The following MNAT1 variants were observed in gnomAD, a reference collection of about 807,000 sequenced individuals.
MNAT1 encodes MNAT1 component of CDK activating kinase.
In MNAT1, 43 loss-of-function variants were observed where a neutral mutation model predicts 42.0. The observed-to-expected ratio is 1.02, with a 90% confidence interval of 0.80 to 1.32. The LOEUF (loss-of-function observed/expected upper bound fraction) is 1.32, where lower values mean the gene tolerates loss of function less well. Ranked by LOEUF, MNAT1 falls within the 40% of genes most tolerant of loss-of-function variation. MNAT1 has a pLI of 0.00. For synonymous variants in MNAT1, 118 were observed against 120.0 expected (o/e 0.98, Z 0.11); for missense variants, 306 against 350.4 (o/e 0.87, Z 1.01).
At chr14:60,853,897 A>T (rs1052488313) in intron 6 of MNAT1, among the ~76,000 whole-genome samples, 1 of 152,296 alleles carries the variant, frequency 6.6e-6, no homozygotes, top group African/African-American at 2.4e-5. Flanking sequence ...GGATGAAGCC[A>T]ACTTGATCAT....
chr14:60,744,739 G>C (rs1271365682), intron 1 of MNAT1, among the ~76,000 whole-genome samples: 2 of 152,074 alleles, frequency 1.3e-5, no homozygotes, highest in East Asian at 1.9e-4. Flanking sequence ...ACTTGTTGGG[G>C]CTTGATTTTA....
chr14:60,773,721 T>C (rs564039325), intron 1 of MNAT1, among the ~76,000 whole-genome samples: 1 of 152,252 alleles, frequency 6.6e-6, no homozygotes, highest in African/African-American at 2.4e-5. Context: ...TTGTCTCTTA[T>C]GTTTGAAGCA....
At chr14:60,954,373 C>A (rs1361325924) in intron 7 of MNAT1, among the ~76,000 whole-genome samples, 1 of 152,050 alleles carries the variant, frequency 6.6e-6, no homozygotes, top group Non-Finnish European at 1.5e-5. Flanking sequence ...AATATTTTTT[C>A]ATTTACTTTT....
At chr14:60,761,242 C>A (rs1259983560) in intron 1 of MNAT1, among the ~76,000 whole-genome samples, 2 of 152,090 alleles carry the variant, frequency 1.3e-5, no homozygotes, top group African/African-American at 4.8e-5. Context: ...GAAGGTTATC[C>A]ACATACCAGA....
chr14:60,943,316 C>A (rs1270385991), intron 7 of MNAT1, among the ~76,000 whole-genome samples: 3 of 152,090 alleles, frequency 2.0e-5, no homozygotes, highest in Admixed American at 2.0e-4. Flanking sequence ...CTAATATGAA[C>A]ACTCATAAAA....
At chr14:60,928,012 T>C (rs557493403) in intron 7 of MNAT1, among the ~76,000 whole-genome samples, 2 of 152,248 alleles carry the variant, frequency 1.3e-5, no homozygotes. Context: ...AGATCCATCA[T>C]GTTAGTTTAT....
chr14:60,946,180 C>G lies in MNAT1; in HGVS notation c.810-22049C>G, dbSNP rs577664159. On this transcript the variant is annotated intron_variant, in intron 7 of 7. Transcript: ENST00000261245. ...TCTCTGTGTTGAAATATTTCCTTTA[C>G]AACATGAACATACTCAAATTTCCAT... Among the ~76,000 whole-genome samples, 361 of 152,278 alleles carry G rather than the reference C, an allele frequency of 2.4e-3. 2 individuals are homozygous for G. The Middle Eastern group carries it at 0.024, about 10-fold the overall frequency.
intron 7 of MNAT1, among the ~76,000 whole-genome samples, chr14:60,951,744 A>T (rs749657086): frequency 1.3e-5 from 2 of 151,804 alleles, no homozygotes; most frequent in Non-Finnish European, 1.5e-5. Context: ...TGACTCTTTT[A>T]TAAGTGAGGT....
chr14:60,837,972 T>C (rs2033439073), intron 6 of MNAT1, among the ~76,000 whole-genome samples: 1 of 152,184 alleles, frequency 6.6e-6, no homozygotes, highest in African/African-American at 2.4e-5. Context: ...CCTTTGTAAG[T>C]TGGGAAATTC....
chr14:60,875,891 C>T (rs2139457336), intron 6 of MNAT1, among the ~76,000 whole-genome samples: 1 of 152,108 alleles, frequency 6.6e-6, no homozygotes, highest in South Asian at 2.1e-4. Flanking sequence ...CTGTGTGAGC[C>T]TTTCTGGACC....
At chr14:60,943,035 TGTGTGTGTGTGTGTGCGC>T (rs1566571947) in intron 7 of MNAT1, among the ~76,000 whole-genome samples, 3 of 125,532 alleles carry the variant, frequency 2.4e-5, no homozygotes, top group Admixed American at 8.5e-5. Context: ...TGTGTGTGTG[TGTGTGTGTGTGTGTGCGC>T]TTTTTTTTTT....
At chr14:60,869,192 G>C (rs1332920993) in intron 6 of MNAT1, among the ~76,000 whole-genome samples, 1 of 149,140 alleles carries the variant, frequency 6.7e-6, no homozygotes, top group Non-Finnish European at 1.5e-5. Flanking sequence ...GCCATGCCCA[G>C]CTAATTTTTT....
intron 7 of MNAT1, among the ~76,000 whole-genome samples, chr14:60,958,271 G>C (rs1328564098): frequency 2.0e-5 from 3 of 152,134 alleles, no homozygotes; most frequent in Admixed American, 6.5e-5. Flanking sequence ...GTCCCTCATT[G>C]GTGAAGGATA....
intron 7 of MNAT1, among the ~76,000 whole-genome samples, chr14:60,915,737 G>A (rs1341400176): frequency 6.6e-6 from 1 of 152,114 alleles, no homozygotes; most frequent in East Asian, 1.9e-4. Flanking sequence ...AGATTTTTTG[G>A]AATTGGTACT....
At chr14:60,911,982 T>G (rs956133401) in intron 7 of MNAT1, among the ~76,000 whole-genome samples, 7 of 152,278 alleles carry the variant, frequency 4.6e-5, no homozygotes, top group East Asian at 1.9e-4. Context: ...CTCTAAGGAC[T>G]TGCTTTATGA....
intron 1 of MNAT1, among the ~76,000 whole-genome samples, chr14:60,772,759 G>C (rs984195962): frequency 1.3e-5 from 2 of 152,008 alleles, no homozygotes; most frequent in Non-Finnish European, 2.9e-5. Context: ...AAGCTAGTCT[G>C]AGATTTCTTG....
rs903289890 is a variant in MNAT1 at position 60,796,130 on chromosome 14, C to T, written c.90-87C>T. 1.0e-5 allele frequency: 12 copies of T among 1,190,570 alleles called. No homozygotes were observed. In the Admixed American group the frequency reaches 2.7e-4, roughly 27 times the overall value. 73.8% of individuals were successfully genotyped at this position (1,190,570 alleles called of 1,614,324 possible). Reference sequence around the variant, plus strand: ...AAGTGACTAGTTTTCAAGTCTCACTCTCCTTATCCCATAGGGGCAAACTAT... The same window carrying T: ...AAGTGACTAGTTTTCAAGTCTCACTTTCCTTATCCCATAGGGGCAAACTAT... On this transcript the variant is annotated intron_variant, in intron 1 of 7. Transcript: ENST00000261245.
At chr14:60,965,510 A>G (rs2036665704) in intron 7 of MNAT1, among the ~76,000 whole-genome samples, 1 of 152,220 alleles carries the variant, frequency 6.6e-6, no homozygotes, top group Non-Finnish European at 1.5e-5. Context: ...TCAGGATAAC[A>G]TATAAAAAGC....
intron 1 of MNAT1, among the ~76,000 whole-genome samples, chr14:60,738,552 G>C (rs111613779): frequency 0.014 from 2,058 of 152,030 alleles, 43 homozygotes; most frequent in African/African-American, 0.047. Context: ...ACTGCGCCCG[G>C]CCTGAGATGG....
Sources: gnomAD v4.1 joint callset for allele counts (sites outside exome capture counted in the v4.1 genomes callset) on GRCh38, gnomAD v4.1.1 for gene constraint, MANE v1.5 for transcripts, NCBI Gene and HGNC (gene_info 2026-07-23, HGNC 2026-07-21) for gene names.